The following TDRKH variants were observed in gnomAD, a reference collection of about 807,000 sequenced individuals.
TDRKH encodes the protein tudor and KH domain-containing protein.
TDRKH carries 28 observed loss-of-function variants against 61.3 expected under a neutral mutation model. That is an observed-to-expected ratio of 0.46 (90% confidence interval 0.34 to 0.63). The LOEUF is 0.63. TDRKH is among the 20% of genes least tolerant of loss of function. The pLI is 0.01. For missense variants in TDRKH, 540 were observed against 683.4 expected (o/e 0.79, Z 2.34); for synonymous variants, 219 against 244.4 (o/e 0.90, Z 0.97).
At chr1:151,780,195 C>A in intron 3 of TDRKH, 55 bp from the exon 4 acceptor site, 1 of 1,568,604 alleles carries the variant, frequency 6.4e-7, no homozygotes, top group South Asian at 1.2e-5. Flanking sequence ...CATTTGAGCC[C>A]AGCTACAGAC....
chr1:151,775,071 C>T lies in TDRKH; in HGVS notation c.1530G>A (p.Lys510=). The change falls in exon 11 of 13, where the codon AAG becomes AAA. Residue 510 remains lysine, a synonymous_variant. Transcript: ENST00000368824. ...TATAACTACAATAGCTCACCATGTCCTTCAACATGTCTGGGACAGCTCTGT... is the reference window on the plus strand; with the variant it reads ...TATAACTACAATAGCTCACCATGTCTTTCAACATGTCTGGGACAGCTCTGT... The part of the protein sequence containing the change: ...EENRAVPDML[K]DMATETDASL... 1.9e-6 allele frequency: 3 copies of T among 1,614,118 alleles called. No individual in the cohort carries two copies. Among genetic ancestry groups the T allele is most frequent in the Non-Finnish European group, 2.5e-6 (3 of 1,180,002 alleles).
intron 1 of TDRKH, among the ~76,000 whole-genome samples, chr1:151,785,527 T>C (rs1394416883): frequency 6.6e-6 from 1 of 152,194 alleles, no homozygotes; most frequent in Non-Finnish European, 1.5e-5. Context: ...GAAGAGATAA[T>C]GTGTTGAGTA....
At chr1:151,788,772 T>C (rs548475519) in intron 1 of TDRKH, among the ~76,000 whole-genome samples, 2 of 152,294 alleles carry the variant, frequency 1.3e-5, no homozygotes, top group East Asian at 3.9e-4. Flanking sequence ...GCACTTTTGT[T>C]TTCCAGTTCT....
intron 6 of TDRKH, among the ~76,000 whole-genome samples, chr1:151,777,216 G>A (rs1213842527): frequency 6.6e-6 from 1 of 152,210 alleles, no homozygotes; most frequent in African/African-American, 2.4e-5. Flanking sequence ...AGGCCAAGGT[G>A]GGTGGATCAT....
intron 10 of TDRKH, 30 bp from the exon 11 acceptor site, chr1:151,775,196 T>C (rs747760632): frequency 8.7e-6 from 14 of 1,611,760 alleles, no homozygotes; most frequent in Non-Finnish European, 1.2e-5. Flanking sequence ...GGGAATGATG[T>C]TCTCTCAGTA....
chr1:151,767,639 A>G (rs540400056), downstream of TDRKH: 18 of 297,422 alleles, frequency 6.1e-5, no homozygotes, highest in South Asian at 1.2e-3. Flanking sequence ...CACATATCAT[A>G]TTGCAATAAC....
At position 151,774,286 on chromosome 1, in the gene TDRKH, G is replaced by A; in HGVS notation, c.*166C>T. 1 of 657,580 alleles carries A rather than the reference G, an allele frequency of 1.5e-6. No individual in the cohort carries two copies. The highest frequency in any genetic ancestry group is 1.8e-5 in the African/African-American group (1 of 54,716). The allele number at this position is 657,580 out of a possible 1,614,324, so 40.7% of individuals were successfully genotyped here. A position where few individuals can be genotyped will look rare whatever the true frequency, so the allele number is the denominator to read the frequency against. On this transcript the variant is annotated 3_prime_UTR_variant, in exon 13 of 13. Transcript: ENST00000368824. ...AGTGCTCAATCTGAGAGCAAGTTAA[G>A]CTGCAGGAAAGCAGCTGCAGAGAAG... is the stretch of plus-strand genomic sequence containing the variant.
At position 151,780,990 on chromosome 1, in the gene TDRKH, A is replaced by C. The variant is rs958572073; in HGVS notation, c.231+491T>G. Among the ~76,000 whole-genome samples, 15 of 152,176 alleles carry C rather than the reference A, an allele frequency of 9.9e-5. No individual in the cohort carries two copies. In the East Asian group the frequency reaches 2.9e-3, roughly 29 times the overall value. ...AGGGAAGTAGCTAAAAAGTTTAGTT[A>C]GCTAAAAAGTTCCTCTATTTGTTCT... On this transcript the variant is annotated intron_variant, in intron 3 of 12. Coordinates refer to ENST00000368824, the MANE Select transcript of TDRKH (RefSeq NM_001083965.2).
chr1:151,769,254 C>G (rs1189383149), downstream of TDRKH: 1 of 79,292 alleles, frequency 1.3e-5, no homozygotes, highest in Admixed American at 1.4e-4. Context: ...ACGCACCCCC[C>G]ACCTCCCGGA....
At chr1:151,771,723 T>C (rs747754404), downstream of TDRKH, 4 of 389,786 alleles carry the variant, frequency 1.0e-5, no homozygotes, top group Non-Finnish European at 1.8e-5. Flanking sequence ...GCAGGAAAAG[T>C]ACTGGGTTAT....
At chr1:151,782,451 A>AG (rs36040331) in intron 2 of TDRKH, among the ~76,000 whole-genome samples, 1 of 70,316 alleles carries the variant, frequency 1.4e-5, no homozygotes, top group Non-Finnish European at 3.3e-5. Context: ...TGTCTCAAAG[A>AG]AAAAAAAAAG....
chr1:151,787,206 C>T (rs900405071), intron 1 of TDRKH, among the ~76,000 whole-genome samples: 3 of 152,100 alleles, frequency 2.0e-5, no homozygotes, highest in Non-Finnish European at 2.9e-5. Flanking sequence ...CTTCTTTTGT[C>T]CCCTGATTAC....
intron 1 of TDRKH, among the ~76,000 whole-genome samples, chr1:151,786,380 T>C (rs1650318360): frequency 6.6e-6 from 1 of 152,218 alleles, no homozygotes; most frequent in Non-Finnish European, 1.5e-5. Flanking sequence ...GGGTAGCATA[T>C]ACAGCATGGA....
chr1:151,776,018 CT>C lies in TDRKH; in HGVS notation c.1217+77del, dbSNP rs1649133563. 2.5e-6 allele frequency: 4 copies of C among 1,574,908 alleles called. No homozygotes were observed. In the Admixed American group the frequency reaches 7.0e-5, roughly 28 times the overall value. ...TAAACAGGTTCCCTTCCAAATCCCCCTGACAACTGCCAACAGCTCACCACCC... is the reference window on the plus strand; with the variant it reads ...TAAACAGGTTCCCTTCCAAATCCCCCGACAACTGCCAACAGCTCACCACCC... On this transcript the variant is annotated intron_variant, in intron 8 of 12. Transcript: ENST00000368824.
chr1:151,770,392 A>T, downstream of TDRKH: 21 of 1,273,684 alleles, frequency 1.6e-5, no homozygotes, highest in East Asian at 2.6e-5. Flanking sequence ...CTTCCCACCT[A>T]CCACGAAGGT....
At chr1:151,769,856 C>T (rs563063778), downstream of TDRKH, among the ~76,000 whole-genome samples, 44 of 152,356 alleles carry the variant, frequency 2.9e-4, no homozygotes, top group South Asian at 8.7e-3. Flanking sequence ...GCAGATCACT[C>T]GTGGTTAGGA....
At chr1:151,771,360 G>A (rs1558134104), downstream of TDRKH, 2 of 1,469,472 alleles carry the variant, frequency 1.4e-6, no homozygotes, top group African/African-American at 1.4e-5. Flanking sequence ...TGGGGGGGTG[G>A]GTAATAGGGT....
chr1:151,774,498 G>A lies in TDRKH; in HGVS notation c.1640C>T (p.Ala547Val). 1 of 1,614,198 alleles carries A rather than the reference G, an allele frequency of 6.2e-7. No individual in the cohort carries two copies. Among genetic ancestry groups the A allele is most frequent in the Non-Finnish European group, 8.5e-7 (1 of 1,180,014 alleles). Residue 547 changes from alanine to valine, a missense_variant, in exon 13 of 13, where the codon GCT (alanine) becomes GTT (valine). Ala to Val is a moderately conservative substitution (Grantham distance 64). Around this residue, in one of 3 missense-constraint regions of TDRKH, gnomAD observed 379 missense variants for 443.8 expected, o/e 0.85. Coordinates refer to ENST00000368824, the MANE Select transcript of TDRKH (RefSeq NM_001083965.2). ...TLSCLSLSEA[A>V]SMSGDDNLED... Reference sequence around the variant, plus strand: ...AAGGTTATCATCACCAGACATGGAAGCAGCTTCTATTGAAGATAAATAAGA... The same window carrying A: ...AAGGTTATCATCACCAGACATGGAAACAGCTTCTATTGAAGATAAATAAGA...
In TDRKH at chr1:151,774,822, C is replaced by A. The variant is rs763676270; in HGVS notation, c.1537-16G>T. 2 of 1,611,152 alleles carry A rather than the reference C, an allele frequency of 1.2e-6. No homozygotes were observed. The highest frequency in any genetic ancestry group is 1.3e-5 in the African/African-American group (1 of 74,730). On this transcript the variant is annotated splice_polypyrimidine_tract_variant and intron_variant, in intron 11 of 12. Coordinates refer to ENST00000368824, the MANE Select transcript of TDRKH (RefSeq NM_001083965.2). ...TTTCTGTGGCCTGAGTGGATGAAAA[C>A]AGGAAAAAAGGAGGAACATGTTGGC...
Sources: allele counts gnomAD v4.1 joint callset (sites outside exome capture counted in the v4.1 genomes callset), GRCh38; gene constraint gnomAD v4.1.1; regional missense constraint gnomAD v4.1.1; transcripts MANE v1.5; gene names NCBI Gene and HGNC (gene_info 2026-07-23, HGNC 2026-07-21).